BFSP1: variants seen among roughly 807,000 people sequenced by gnomAD.
BFSP1 encodes the protein filensin.
BFSP1 carries 38 observed loss-of-function variants against 43.9 expected under a neutral mutation model. The ratio of observed to expected loss-of-function variants is 0.87; its 90% confidence interval spans 0.67 to 1.14. BFSP1 has a LOEUF of 1.14. Ranked by LOEUF, BFSP1 falls within the 50% of genes most tolerant of loss-of-function variation. The pLI, the probability that BFSP1 is intolerant of heterozygous loss-of-function variation, is 0.00. For missense variants in BFSP1, 850 were observed against 875.1 expected, an observed-to-expected ratio of 0.97 and a Z score of 0.36; for synonymous variants, 352 against 354.8, an observed-to-expected ratio of 0.99 and a Z score of 0.09.
chr20:17,539,105 CTT>C (rs1156875265), intron 1 of BFSP1, among the ~76,000 whole-genome samples: 379 of 63,534 alleles, frequency 6.0e-3, no homozygotes, highest in African/African-American at 0.023. Context: ...ATTTCTTCTT[CTT>C]TTTTTTTTTT....
At position 17,494,639 on chromosome 20, in the gene BFSP1, T is replaced by C. The variant is rs765853692; in HGVS notation, c.1433A>G (p.Asn478Ser). Residue 478 changes from asparagine (N) to serine (S), a missense_variant, in exon 8 of 8, where the codon AAT becomes AGT. Transcript: ENST00000377873. ...GACATAGAATCTAGGGTCCACGTAA[T>C]TGGCATCCCCTGTGACCAGCACGTG... ...ERHVLVTGDA[N>S]YVDPRFYVSS... 6.2e-7 allele frequency: 1 copy of C among 1,614,192 alleles called. No individual in the cohort carries two copies. Among genetic ancestry groups the C allele is most frequent in the South Asian group, 1.1e-5 (1 of 91,080 alleles).
rs775213505 is a variant in BFSP1 at position 17,494,358 on chromosome 20, G to T, written c.1714C>A (p.Pro572Thr). 1 of 1,614,166 alleles carries T rather than the reference G, an allele frequency of 6.2e-7. No homozygotes were observed. The highest frequency in any genetic ancestry group is 8.5e-7 in the Non-Finnish European group (1 of 1,180,002). The change falls in exon 8 of 8, where the codon CCC becomes ACC. Residue 572 changes from proline (P) to threonine (T), a missense_variant. Physicochemically the swap from Pro to Thr is conservative, Grantham distance 38. Transcript: ENST00000377873. ...GEERDEESRR[P>T]CAMVTPGAEE... ...GCACCGGGTGTGACCATGGCACAGG[G>T]TCTCCTGGACTCTTCGTCCCGCTCC... is the stretch of plus-strand genomic sequence containing the variant.
intron 7 of BFSP1, 32 bp from the exon 8 acceptor site, chr20:17,495,061 T>C (rs1039931098): frequency 1.3e-6 from 2 of 1,556,142 alleles, no homozygotes; most frequent in East Asian, 2.2e-5. Flanking sequence ...AATTCAAGTA[T>C]AATTGTCACT....
chr20:17,498,645 T>C (rs2033713618), intron 6 of BFSP1, among the ~76,000 whole-genome samples, 175 bp downstream of exon 6: 2 of 152,232 alleles, frequency 1.3e-5, no homozygotes, highest in Admixed American at 1.3e-4. Context: ...GCACTGGTCG[T>C]ACCTTCATCC....
rs777097160 is a variant in BFSP1, at chr20:17,498,943, A to G, written c.833T>C (p.Ile278Thr). Residue 278 changes from isoleucine (I) to threonine (T), a missense_variant, in exon 6 of 8, where the codon ATT becomes ACT. Ile to Thr is a moderately conservative substitution (Grantham distance 89, BLOSUM62 -1). Coordinates refer to ENST00000377873, the MANE Select transcript of BFSP1 (RefSeq NM_001195.5). Reference protein sequence around the residue: ...NEQIETLRKEIEETERVLEKS... With the variant: ...NEQIETLRKETEETERVLEKS... ...CTCCAGGACCCGCTCTGTCTCCTCA[A>G]TCTCCTTGCGCAGTGTCTCAATCTG... 15 of 1,614,134 alleles carry G rather than the reference A, an allele frequency of 9.3e-6. No individual in the cohort carries two copies. Among genetic ancestry groups the G allele is most frequent in the Non-Finnish European group, 1.3e-5 (15 of 1,180,026 alleles).
At chr20:17,534,875 C>A (rs552793910), upstream of BFSP1, among the ~76,000 whole-genome samples, 5 of 151,872 alleles carry the variant, frequency 3.3e-5, no homozygotes, top group African/African-American at 1.2e-4. Flanking sequence ...AAAAAATTAG[C>A]CGGACGTCGT....
chr20:17,545,149 T>G (rs891638445), intron 1 of BFSP1, among the ~76,000 whole-genome samples: 1 of 151,956 alleles, frequency 6.6e-6, no homozygotes, highest in African/African-American at 2.4e-5. Flanking sequence ...AAAAGGGAGG[T>G]AGCACAAGAG....
chr20:17,493,999 C>T lies in BFSP1; in HGVS notation c.*75G>A. The T allele has an allele frequency of 7.4e-7, 1 of 1,342,418 alleles. No individual in the cohort carries two copies. Among genetic ancestry groups the T allele is most frequent in the Non-Finnish European group, 1.0e-6 (1 of 973,558 alleles). The allele number at this position is 1,342,418 out of a possible 1,614,324, so 83.2% of individuals were successfully genotyped here. ...CAAACAGGAACCCTCACCCTTTTAT[C>T]ATTTGCTCTAAAATATCAAAGCATT... is the stretch of plus-strand genomic sequence containing the variant. On this transcript the variant is annotated 3_prime_UTR_variant, in exon 8 of 8. Transcript: ENST00000377873.
intron 2 of BFSP1, among the ~76,000 whole-genome samples, chr20:17,518,582 C>G (rs542684046): frequency 6.6e-6 from 1 of 152,276 alleles, no homozygotes; most frequent in East Asian, 1.9e-4. Context: ...GTCTGGTCTT[C>G]TGAAATACCC....
At chr20:17,567,457 C>T (rs1362218955) in intron 1 of BFSP1, among the ~76,000 whole-genome samples, 2 of 152,082 alleles carry the variant, frequency 1.3e-5, no homozygotes, top group Admixed American at 6.6e-5. Flanking sequence ...ATGAAACCTC[C>T]TAACTCAAAG....
chr20:17,530,995 T>C lies in BFSP1; in HGVS notation c.335A>G (p.Gln112Arg). Residue 112 changes from glutamine to arginine, a missense_variant, in exon 1 of 8, where the codon CAG (glutamine) becomes CGG (arginine). By Grantham distance (43) the Gln-to-Arg change is conservative (BLOSUM62 1). Transcript: ENST00000377873. ...LEAERARLER[Q>R]GTEAQRALDE... ...GAGCGCGCGCTGCGCCTCGGTGCCC[T>C]GGCGCTCCAGCCGGGCGCGCTCGGC... is the stretch of plus-strand genomic sequence containing the variant. 1 of 1,439,086 alleles carries C rather than the reference T, an allele frequency of 6.9e-7. No individual in the cohort carries two copies. Among genetic ancestry groups the C allele is most frequent in the Non-Finnish European group, 9.1e-7 (1 of 1,100,760 alleles). The allele number at this position is 1,439,086 out of a possible 1,614,324, so 89.1% of individuals were successfully genotyped here. A position where few individuals can be genotyped will look rare whatever the true frequency, so the allele number is the denominator to read the frequency against.
intron 1 of BFSP1, among the ~76,000 whole-genome samples, chr20:17,553,842 T>TAG: frequency 9.4e-6 from 1 of 106,592 alleles, no homozygotes; most frequent in Non-Finnish European, 1.8e-5. Flanking sequence ...TATATACACA[T>TAG]ATATATACAT....
chr20:17,568,251 A>G (rs1175639222), intron 1 of BFSP1, among the ~76,000 whole-genome samples: 1 of 152,116 alleles, frequency 6.6e-6, no homozygotes, highest in Non-Finnish European at 1.5e-5. Context: ...CAAGAATGTA[A>G]CAAGACCAGT....
chr20:17,531,689 C>T (rs927159308), upstream of BFSP1, among the ~76,000 whole-genome samples: 1 of 152,202 alleles, frequency 6.6e-6, no homozygotes, highest in Non-Finnish European at 1.5e-5. Context: ...TGAAGGAATC[C>T]CCAAGCGAAC....
intron 1 of BFSP1, among the ~76,000 whole-genome samples, chr20:17,528,466 T>C (rs2034466428): frequency 6.6e-6 from 1 of 152,228 alleles, no homozygotes; most frequent in South Asian, 2.1e-4. Context: ...TCCATCAAGC[T>C]GCCCCGGATG....
At chr20:17,501,281 A>G (rs1338871043) in intron 5 of BFSP1, among the ~76,000 whole-genome samples, 1 of 152,208 alleles carries the variant, frequency 6.6e-6, no homozygotes, top group Non-Finnish European at 1.5e-5. Flanking sequence ...TGTTCGGCAA[A>G]TGGCCGGGTG....
intron 5 of BFSP1, among the ~76,000 whole-genome samples, chr20:17,506,160 C>T (rs1245903977): frequency 6.6e-6 from 1 of 152,188 alleles, no homozygotes; most frequent in Non-Finnish European, 1.5e-5. Flanking sequence ...GCCCTGACAG[C>T]CACTCCTGGC....
intron 2 of BFSP1, among the ~76,000 whole-genome samples, chr20:17,524,086 G>T (rs1334602693): frequency 6.6e-6 from 1 of 152,166 alleles, no homozygotes; most frequent in Non-Finnish European, 1.5e-5. Context: ...CCACTAAATA[G>T]TCTCCATGGG....
At chr20:17,546,946 C>T (rs111846034) in intron 1 of BFSP1, among the ~76,000 whole-genome samples, 8 of 149,984 alleles carry the variant, frequency 5.3e-5, no homozygotes, top group African/African-American at 2.0e-4. Context: ...ATTGCTTGAA[C>T]CTGGGAGGCA....
Sources: allele counts gnomAD v4.1 joint callset (sites outside exome capture counted in the v4.1 genomes callset), GRCh38; gene constraint gnomAD v4.1.1; transcripts MANE v1.5; gene names NCBI Gene and HGNC (gene_info 2026-07-23, HGNC 2026-07-21).